The following ARHGAP10 variants were observed in gnomAD, a reference collection of about 807,000 sequenced individuals.
ARHGAP10 encodes the protein rho GTPase-activating protein 10.
ARHGAP10 carries 87 observed loss-of-function variants against 108.6 expected under a neutral mutation model. The ratio of observed to expected loss-of-function variants is 0.80; its 90% CI spans 0.67 to 0.96. The LOEUF (loss-of-function observed/expected upper bound fraction) is 0.96. ARHGAP10 is among the 40% of genes least tolerant of loss of function. ARHGAP10 has a pLI of 0.00. For synonymous variants in ARHGAP10, 347 were observed against 341.1 expected (o/e 1.02, Z -0.19); for missense variants, 939 against 954.5 (o/e 0.98, Z 0.21).
intron 1 of ARHGAP10, among the ~76,000 whole-genome samples, chr4:147,747,186 G>A (rs946619815): frequency 6.6e-6 from 1 of 151,054 alleles, no homozygotes; most frequent in Non-Finnish European, 1.5e-5. Context: ...TATTAAAACC[G>A]ATTTTCTCTT....
intron 14 of ARHGAP10, among the ~76,000 whole-genome samples, chr4:147,944,683 C>A (rs1175960806): frequency 1.3e-5 from 2 of 152,110 alleles, no homozygotes; most frequent in Non-Finnish European, 2.9e-5. Flanking sequence ...AGGGAAAAAA[C>A]CCTGAAACAA....
chr4:147,759,588 C>T (rs988952506), intron 1 of ARHGAP10, among the ~76,000 whole-genome samples: 1 of 151,658 alleles, frequency 6.6e-6, no homozygotes, highest in Non-Finnish European at 1.5e-5. Context: ...CCGCCCCCCC[C>T]CCCCTTTAAA....
rs999791102 is a variant in ARHGAP10, at chr4:147,868,297, C to T, written c.702+1481C>T. Reference sequence around the variant, plus strand: ...TGTCGCTGAGGCTGAAGTGCAGTGGCACAACCACTGCTCACTGCAGCCTCA... The same window carrying T: ...TGTCGCTGAGGCTGAAGTGCAGTGGTACAACCACTGCTCACTGCAGCCTCA... On this transcript the variant is annotated intron_variant, in intron 7 of 22. Coordinates refer to ENST00000336498, the MANE Select transcript of ARHGAP10 (RefSeq NM_024605.4). Among the ~76,000 whole-genome samples, 6 of 151,470 alleles carry T rather than the reference C, an allele frequency of 4.0e-5. No individual in the cohort carries two copies. In the South Asian group the frequency reaches 1.0e-3, roughly 26 times the overall value.
At chr4:148,055,098 T>C (rs1729306244) in intron 20 of ARHGAP10, among the ~76,000 whole-genome samples, 1 of 152,124 alleles carries the variant, frequency 6.6e-6, no homozygotes, top group South Asian at 2.1e-4. Context: ...GGAAGGAAGG[T>C]AGGATTCAAG....
At chr4:147,838,527 C>T (rs9307843) in intron 3 of ARHGAP10, among the ~76,000 whole-genome samples, 134,990 of 151,654 alleles carry the variant, frequency 0.89, 61,441 homozygotes, top group Non-Finnish European at 0.99. Flanking sequence ...GGATATGTTT[C>T]CATGATTTCT....
chr4:147,736,187 G>C (rs994640785), intron 1 of ARHGAP10, among the ~76,000 whole-genome samples: 2 of 151,462 alleles, frequency 1.3e-5, no homozygotes, highest in Admixed American at 1.3e-4. Context: ...TGAGTCTGCT[G>C]TTACTAAACA....
chr4:148,070,621 A>G (rs1199034561), intron 22 of ARHGAP10, among the ~76,000 whole-genome samples: 1 of 152,244 alleles, frequency 6.6e-6, no homozygotes, highest in African/African-American at 2.4e-5. Context: ...AAAAAAGAGT[A>G]GAATACAGAA....
chr4:147,987,747 G>C (rs1024192207), intron 18 of ARHGAP10, among the ~76,000 whole-genome samples: 1 of 152,210 alleles, frequency 6.6e-6, no homozygotes, highest in Non-Finnish European at 1.5e-5. Context: ...GCTGGGTCAG[G>C]TGTAGGCAGA....
intron 19 of ARHGAP10, among the ~76,000 whole-genome samples, chr4:148,043,911 TGTGA>T (rs1356819196): frequency 6.6e-6 from 1 of 151,780 alleles, no homozygotes; most frequent in Non-Finnish European, 1.5e-5. Flanking sequence ...CAGAAATGGT[TGTGA>T]GTATTTAATG....
chr4:148,060,220 G>GT (rs1729550878), intron 20 of ARHGAP10, among the ~76,000 whole-genome samples: 1 of 151,818 alleles, frequency 6.6e-6, no homozygotes, highest in Non-Finnish European at 1.5e-5. Context: ...TTCCTCTACC[G>GT]TTTTTTGAGA....
intron 1 of ARHGAP10, among the ~76,000 whole-genome samples, chr4:147,776,510 G>A (rs78702601): frequency 1.3e-5 from 2 of 152,152 alleles, no homozygotes; most frequent in South Asian, 2.1e-4. Flanking sequence ...ATGAGCTACC[G>A]TGCCCAGCCT....
intron 12 of ARHGAP10, among the ~76,000 whole-genome samples, chr4:147,912,548 A>AATAT (rs59663731): frequency 3.3e-4 from 40 of 120,200 alleles, no homozygotes; most frequent in African/African-American, 6.8e-4. Flanking sequence ...CAAACAAACA[A>AATAT]ATATATATAT....
chr4:147,904,351 T>G (rs1185815951), intron 10 of ARHGAP10, among the ~76,000 whole-genome samples: 1 of 152,082 alleles, frequency 6.6e-6, no homozygotes, highest in African/African-American at 2.4e-5. Context: ...CATTTAGCAT[T>G]AGGTATATCT....
intron 19 of ARHGAP10, among the ~76,000 whole-genome samples, chr4:148,036,490 G>A (rs72619778): frequency 6.6e-6 from 1 of 152,160 alleles, no homozygotes; most frequent in African/African-American, 2.4e-5. Flanking sequence ...GACTTCTCAC[G>A]AGATCTGATG....
chr4:148,070,226 C>T (rs1393387199), intron 22 of ARHGAP10, among the ~76,000 whole-genome samples: 5 of 152,154 alleles, frequency 3.3e-5, no homozygotes, highest in Admixed American at 6.5e-5. Flanking sequence ...CTGGGAGCCC[C>T]GACCTGGTCT....
At chr4:147,763,042 T>A (rs2126707850) in intron 1 of ARHGAP10, among the ~76,000 whole-genome samples, 1 of 152,272 alleles carries the variant, frequency 6.6e-6, no homozygotes, top group Admixed American at 6.5e-5. Context: ...GCTAATTATA[T>A]AATATGAAAA....
chr4:147,922,557 G>A (rs1351409097), intron 13 of ARHGAP10, among the ~76,000 whole-genome samples: 4 of 150,036 alleles, frequency 2.7e-5, no homozygotes, highest in Admixed American at 1.3e-4. Flanking sequence ...GCGTAGTGGC[G>A]GGCGCCTGTA....
At position 148,059,893 on chromosome 4, in the gene ARHGAP10, A is replaced by G. The variant is rs540753315; in HGVS notation, c.2028-3255A>G. Among the ~76,000 whole-genome samples the G allele has an allele frequency of 2.0e-5, 3 of 152,246 alleles. No homozygotes were observed. The South Asian group carries it at 6.2e-4, about 32-fold the overall frequency. On this transcript the variant is annotated intron_variant, in intron 20 of 22. Coordinates refer to ENST00000336498, the MANE Select transcript of ARHGAP10 (RefSeq NM_024605.4). ...CCTACAAGGCAATGCAGCTTGGGCC[A>G]GGTCACACCTACATGCCTCAAGAGA...
chr4:147,947,992 G>GTGCGA (rs1295589337), intron 15 of ARHGAP10, among the ~76,000 whole-genome samples: 3 of 147,868 alleles, frequency 2.0e-5, no homozygotes, highest in African/African-American at 7.5e-5. Flanking sequence ...CCGGGCTGGA[G>GTGCGA]TGCGATGGCA....
Sources: gnomAD v4.1 joint callset for allele counts (sites outside exome capture counted in the v4.1 genomes callset) on GRCh38, gnomAD v4.1.1 for gene constraint, MANE v1.5 for transcripts, NCBI Gene and HGNC (gene_info 2026-07-23, HGNC 2026-07-21) for gene names.